Variants in PSD3 observed in about 807,000 individuals in gnomAD.
The protein encoded by PSD3 is pleckstrin and Sec7 domain containing 3, also known as PH and SEC7 domain-containing protein 3.
In PSD3, 49 loss-of-function variants were observed where a neutral mutation model predicts 105.5. That is an observed-to-expected ratio of 0.46 (90% confidence interval 0.37 to 0.59). PSD3 has a LOEUF of 0.59. PSD3 is among the 20% of genes least tolerant of loss of function. The probability of loss-of-function intolerance (pLI) is 0.00; values close to 1 mark genes in which losing one functional copy is unlikely to be tolerated. For synonymous variants in PSD3, 557 were observed against 457.8 expected (o/e 1.22, Z -2.77); for missense variants, 1,561 against 1,263.8 (o/e 1.24, Z -3.57).
chr8:18,745,912 T>C (rs990345006), intron 9 of PSD3, among the ~76,000 whole-genome samples: 5 of 146,942 alleles, frequency 3.4e-5, no homozygotes, highest in Non-Finnish European at 5.9e-5. Context: ...ATCTATAGTA[T>C]GTTTGTTTAT....
chr8:18,795,825 C>A (rs1049231413), intron 8 of PSD3, among the ~76,000 whole-genome samples: 1 of 152,180 alleles, frequency 6.6e-6, no homozygotes, highest in African/African-American at 2.4e-5. Context: ...CTTATCCATA[C>A]CATTTCAAAC....
intron 15 of PSD3, among the ~76,000 whole-genome samples, chr8:18,536,809 T>C (rs2129917897): frequency 6.6e-6 from 1 of 152,288 alleles, no homozygotes; most frequent in East Asian, 1.9e-4. Flanking sequence ...TCATATATGT[T>C]GCAAATTAGA....
intron 15 of PSD3, among the ~76,000 whole-genome samples, chr8:18,546,051 A>G (rs1168966730): frequency 6.6e-6 from 1 of 152,206 alleles, no homozygotes; most frequent in African/African-American, 2.4e-5. Flanking sequence ...CCCAGGCTAT[A>G]GTGCAATGGT....
intron 14 of PSD3, among the ~76,000 whole-genome samples, chr8:18,557,778 T>A (rs1279320377): frequency 6.6e-6 from 1 of 152,238 alleles, no homozygotes; most frequent in Non-Finnish European, 1.5e-5. Flanking sequence ...ATACTGATAA[T>A]GCTGAAAGTC....
At chr8:18,892,859 A>G (rs948399365) in intron 2 of PSD3, among the ~76,000 whole-genome samples, 6 of 151,772 alleles carry the variant, frequency 4.0e-5, no homozygotes, top group Admixed American at 1.3e-4. Flanking sequence ...TTCCGGCCTC[A>G]AATAATCCAT....
chr8:18,748,251 G>T (rs975182064), intron 9 of PSD3, among the ~76,000 whole-genome samples: 2 of 152,160 alleles, frequency 1.3e-5, no homozygotes, highest in African/African-American at 2.4e-5. Flanking sequence ...AAAGTATTCT[G>T]TGACTCCTTT....
At chr8:19,023,321 T>C (rs2129475950) in intron 1 of PSD3, among the ~76,000 whole-genome samples, 1 of 152,290 alleles carries the variant, frequency 6.6e-6, no homozygotes, top group Admixed American at 6.5e-5. Flanking sequence ...TTAAAATTCA[T>C]TTCTCAGTCT....
Position 18,684,327 on chromosome 8 carries a change from T to A in PSD3, c.2173-28642A>T, listed in dbSNP as rs79621813. 5.3e-5 allele frequency among the ~76,000 whole-genome samples: 8 copies of A among 152,084 alleles called. No homozygotes were observed. The East Asian group carries it at 1.6e-3, about 29-fold the overall frequency. On this transcript the variant is annotated intron_variant, in intron 9 of 15. Coordinates refer to ENST00000327040, the MANE Select transcript of PSD3 (RefSeq NM_015310.4). ...TCATTAACATTCCAAAAAGCAACAC[T>A]ATTTCTCTTGTGATATTTGTGAAGT...
Position 18,871,832 on chromosome 8 carries a change from G to A in PSD3, c.1032C>T (p.Leu344=). ...AATTACACAAACCAGCTGATGAGAT[G>A]AGATGGCGTGGCACTTTGGAAGACT... The part of the protein sequence containing the change: ...SKESSKVPRH[L]ISSAGLCNSS... Residue 344 remains leucine, a synonymous_variant, in exon 3 of 16, where the codon CTC becomes CTT. Transcript: ENST00000327040. 6.2e-7 allele frequency: 1 copy of A among 1,614,204 alleles called. No homozygotes were observed. Among genetic ancestry groups the A allele is most frequent in the Non-Finnish European group, 8.5e-7 (1 of 1,180,014 alleles).
Position 18,780,435 on chromosome 8 carries a change from T to A in PSD3, c.2083-14897A>T, listed in dbSNP as rs573800534. Among the ~76,000 whole-genome samples, 278 of 152,330 alleles carry A rather than the reference T, an allele frequency of 1.8e-3. No homozygotes were observed. In the Middle Eastern group the frequency reaches 0.027, roughly 15 times the overall value. On this transcript the variant is annotated intron_variant, in intron 8 of 15. Transcript: ENST00000327040. The stretch of plus-strand genomic sequence containing the variant: ...TACATTCAAGGTTATTATTCAGTAC[T>A]TAATTCCTGTCATTTTGTGAATTAT...
chr8:18,588,165 G>A (rs983643491), intron 12 of PSD3, among the ~76,000 whole-genome samples: 2 of 152,158 alleles, frequency 1.3e-5, no homozygotes, highest in African/African-American at 4.8e-5. Context: ...ACCTAAGAGG[G>A]AGTGGCATTT....
At chr8:18,646,353 A>AT (rs1808033795) in intron 10 of PSD3, among the ~76,000 whole-genome samples, 1 of 152,162 alleles carries the variant, frequency 6.6e-6, no homozygotes, top group African/African-American at 2.4e-5. Context: ...TTCACTAGGG[A>AT]TTAAGGATAT....
intron 1 of PSD3, among the ~76,000 whole-genome samples, chr8:19,020,447 G>A (rs1304441630): frequency 2.6e-5 from 4 of 152,128 alleles, no homozygotes; most frequent in Non-Finnish European, 4.4e-5. Context: ...TTTGAGCACA[G>A]CAAGGGGTCA....
rs574526680 is a variant in PSD3, at chr8:18,938,316, T to G, written c.22-2174A>C. Reference sequence around the variant, plus strand: ...AGAATTACACAGTTTTCTGATAAACTGGATTTAAAGAATGAGGGAAAGGGG... The same window carrying G: ...AGAATTACACAGTTTTCTGATAAACGGGATTTAAAGAATGAGGGAAAGGGG... On this transcript the variant is annotated intron_variant, in intron 1 of 15. Coordinates refer to ENST00000327040, the MANE Select transcript of PSD3 (RefSeq NM_015310.4). Among the ~76,000 whole-genome samples, 7 of 152,268 alleles carry G rather than the reference T, an allele frequency of 4.6e-5. No individual in the cohort carries two copies. In the South Asian group the frequency reaches 1.5e-3, roughly 32 times the overall value.
chr8:18,992,393 T>C (rs1486344032), intron 1 of PSD3, among the ~76,000 whole-genome samples: 1 of 152,180 alleles, frequency 6.6e-6, no homozygotes, highest in African/African-American at 2.4e-5. Context: ...GACCCTACAG[T>C]TGTGCTTGGA....
At chr8:18,780,819 G>A (rs1182481634) in intron 8 of PSD3, among the ~76,000 whole-genome samples, 1 of 152,172 alleles carries the variant, frequency 6.6e-6, no homozygotes, top group Non-Finnish European at 1.5e-5. Flanking sequence ...CTCCCAAAGT[G>A]CTGGTATTAC....
At chr8:18,543,407 G>A (rs1486753883) in intron 15 of PSD3, among the ~76,000 whole-genome samples, 1 of 152,128 alleles carries the variant, frequency 6.6e-6, no homozygotes, top group Non-Finnish European at 1.5e-5. Flanking sequence ...GAGGTCAAGA[G>A]ATCGAGACCA....
chr8:18,852,621 C>G (rs1031816678), intron 4 of PSD3, among the ~76,000 whole-genome samples: 5 of 152,176 alleles, frequency 3.3e-5, no homozygotes, highest in Non-Finnish European at 7.3e-5. Flanking sequence ...TCTCCCAGCC[C>G]CCGTTGCCAC....
chr8:18,891,752 T>C (rs140886559), intron 2 of PSD3, among the ~76,000 whole-genome samples: 246 of 152,342 alleles, frequency 1.6e-3, no homozygotes, highest in African/African-American at 5.4e-3. Context: ...CAAGCTCATA[T>C]GTTTTCTCCA....
Sources: gnomAD v4.1 joint callset for allele counts (sites outside exome capture counted in the v4.1 genomes callset) on GRCh38, gnomAD v4.1.1 for gene constraint, MANE v1.5 for transcripts, NCBI Gene and HGNC (gene_info 2026-07-23, HGNC 2026-07-21) for gene names.